COL23A1: variants seen among roughly 807,000 people sequenced by gnomAD.
The protein encoded by COL23A1 is collagen type XXIII alpha 1 chain.
Under a neutral mutation model 99.3 loss-of-function variants are expected in COL23A1, and 97 were observed. The observed-to-expected ratio is 0.98, with a 90% CI of 0.83 to 1.16. The LOEUF (loss-of-function observed/expected upper bound fraction) is 1.16, where lower values mean the gene tolerates loss of function less well. COL23A1 is among the 50% of genes most tolerant of loss of function. The probability of loss-of-function intolerance (pLI) is 0.00; values close to 1 mark genes in which losing one functional copy is unlikely to be tolerated. For synonymous variants in COL23A1, 320 were observed against 308.2 expected (o/e 1.04, Z -0.40); for missense variants, 762 against 757.4 (o/e 1.01, Z -0.07).
At chr5:178,546,198 T>A (rs186896524) in intron 2 of COL23A1, among the ~76,000 whole-genome samples, 1 of 152,056 alleles carries the variant, frequency 6.6e-6, no homozygotes, top group Non-Finnish European at 1.5e-5. Flanking sequence ...ACATGAAATA[T>A]GGGGTGGCGG....
chr5:178,494,759 G>A lies in COL23A1; in HGVS notation c.361+65923C>T, dbSNP rs137856382. Among the ~76,000 whole-genome samples the A allele has an allele frequency of 2.0e-3, 305 of 152,244 alleles. 2 individuals are homozygous for A. Among genetic ancestry groups the A allele is most frequent in the African/African-American group, 6.9e-3 (287 of 41,540 alleles). The stretch of plus-strand genomic sequence containing the variant: ...GGTACATCCCTAACACCTTCAAACA[G>A]CCCCTTTCCACCTCATCCAGTATTT... On this transcript the variant is annotated intron_variant, in intron 2 of 28. Coordinates refer to ENST00000390654, the MANE Select transcript of COL23A1 (RefSeq NM_173465.4).
intron 2 of COL23A1, among the ~76,000 whole-genome samples, chr5:178,431,042 AG>A (rs1406509171): frequency 1.3e-5 from 2 of 152,140 alleles, no homozygotes; most frequent in Admixed American, 1.3e-4. Flanking sequence ...TTCTCCAGGC[AG>A]GGGAGGGAGA....
At chr5:178,327,347 G>A (rs1254225875) in intron 2 of COL23A1, among the ~76,000 whole-genome samples, 4 of 152,194 alleles carry the variant, frequency 2.6e-5, no homozygotes, top group African/African-American at 4.8e-5. Flanking sequence ...GGAAACGGGC[G>A]CTGATGCCTG....
Position 178,375,017 on chromosome 5 carries a change from A to G in COL23A1, c.362-68098T>C, listed in dbSNP as rs536047427. ...GTATAACAGCCAAAAGGTGGCGACA[A>G]CCGAAATCACCGTCAGCTGATGAAC... On this transcript the variant is annotated intron_variant, in intron 2 of 28. Transcript: ENST00000390654. Among the ~76,000 whole-genome samples the G allele has an allele frequency of 2.0e-5, 3 of 152,360 alleles. No homozygotes were observed. The East Asian group carries it at 5.8e-4, about 29-fold the overall frequency.
chr5:178,342,558 G>T (rs1412792378), intron 2 of COL23A1, among the ~76,000 whole-genome samples: 1 of 152,150 alleles, frequency 6.6e-6, no homozygotes, highest in Non-Finnish European at 1.5e-5. Flanking sequence ...CCATTTCCCA[G>T]GTCCCACCGG....
chr5:178,589,968 C>T lies in COL23A1; in HGVS notation c.230G>A (p.Arg77His). The T allele has an allele frequency of 7.5e-7, 1 of 1,329,222 alleles. No homozygotes were observed. The highest frequency in any genetic ancestry group is 9.6e-7 in the Non-Finnish European group (1 of 1,046,836). 82.3% of individuals were successfully genotyped at this position (1,329,222 alleles called of 1,614,324 possible). ...ALEEERELLR[R>H]AGPPGALDAW... ...GTCCAGGGCGCCTGGCGGCCCCGCG[C>T]GCCGCAGCAGCTCCCGCTCCTCCTC... The change falls in exon 1 of 29, where the codon CGC (arginine) becomes CAC (histidine). Residue 77 changes from arginine to histidine, a missense_variant. Arg to His is a conservative substitution (Grantham distance 29). Coordinates refer to ENST00000390654, the MANE Select transcript of COL23A1 (RefSeq NM_173465.4). The surrounding 1 kb of genome is among the most constrained non-coding windows in gnomAD (Gnocchi z 5.4).
intron 1 of COL23A1, among the ~76,000 whole-genome samples, chr5:178,577,955 G>A (rs987007325): frequency 6.6e-6 from 1 of 152,004 alleles, no homozygotes; most frequent in African/African-American, 2.4e-5. Context: ...GAGGCGATAA[G>A]GTCAGGCTGG....
intron 2 of COL23A1, among the ~76,000 whole-genome samples, chr5:178,554,963 A>T (rs1762190232): frequency 6.6e-6 from 1 of 152,206 alleles, no homozygotes; most frequent in Admixed American, 6.5e-5. Flanking sequence ...CCAAACAGAA[A>T]CGAGGTGCCC....
intron 1 of COL23A1, among the ~76,000 whole-genome samples, chr5:178,576,240 A>G (rs1050410247): frequency 2.0e-5 from 3 of 151,928 alleles, no homozygotes; most frequent in African/African-American, 7.3e-5. Context: ...GTTGCCATTC[A>G]TTATCCTTTT....
chr5:178,294,934 G>A (rs867020849), intron 3 of COL23A1, among the ~76,000 whole-genome samples: 3 of 152,340 alleles, frequency 2.0e-5, no homozygotes, highest in African/African-American at 7.2e-5. Context: ...TTGAGGTCAG[G>A]AGTTTGAGAT....
intron 2 of COL23A1, among the ~76,000 whole-genome samples, chr5:178,547,826 T>C (rs1442662580): frequency 2.5e-3 from 7 of 2,780 alleles, no homozygotes; most frequent in Admixed American, 8.6e-3. Context: ...CCCACCCACC[T>C]ACACACCCCC....
At chr5:178,327,601 G>A (rs889319070) in intron 2 of COL23A1, among the ~76,000 whole-genome samples, 2 of 152,164 alleles carry the variant, frequency 1.3e-5, no homozygotes, top group Non-Finnish European at 2.9e-5. Context: ...TCCACTCTGC[G>A]GTGGAGGAGA....
intron 2 of COL23A1, among the ~76,000 whole-genome samples, chr5:178,372,010 A>G (rs1762826006): frequency 6.6e-6 from 1 of 152,256 alleles, no homozygotes; most frequent in Admixed American, 6.5e-5. Flanking sequence ...GAGGCTGCAC[A>G]GTGACAGCCG....
At position 178,514,498 on chromosome 5, in the gene COL23A1, G is replaced by GTGGC. The variant is rs368395268; in HGVS notation, c.361+46180_361+46183dup. On this transcript the variant is annotated intron_variant, in intron 2 of 28. Transcript: ENST00000390654. Reference sequence around the variant, plus strand: ...AGGATCCTCCATACTGTCTTCCATAGTGGCTGCTCCATTTTGTATGTGGAA... The same window carrying GTGGC: ...AGGATCCTCCATACTGTCTTCCATAGTGGCTGGCTGCTCCATTTTGTATGTGGAA... Among the ~76,000 whole-genome samples the GTGGC allele has an allele frequency of 7.2e-5, 11 of 152,306 alleles. No homozygotes were observed. The East Asian group carries it at 1.9e-3, about 27-fold the overall frequency.
chr5:178,501,142 T>C (rs1161041835), intron 2 of COL23A1, among the ~76,000 whole-genome samples: 2 of 152,198 alleles, frequency 1.3e-5, no homozygotes, highest in East Asian at 3.8e-4. Flanking sequence ...ACTCTTACCA[T>C]GAAGAGAAGA....
chr5:178,518,484 C>A (rs1304246447), intron 2 of COL23A1, among the ~76,000 whole-genome samples: 1 of 146,898 alleles, frequency 6.8e-6, no homozygotes, highest in Non-Finnish European at 1.5e-5. Context: ...CGGGCAGAGG[C>A]GCCCCTCACC....
intron 2 of COL23A1, among the ~76,000 whole-genome samples, chr5:178,441,581 G>A (rs1766868422): frequency 6.6e-6 from 1 of 151,988 alleles, no homozygotes; most frequent in South Asian, 2.1e-4. Flanking sequence ...GGGGATGCGG[G>A]GCTAGAGTTT....
intron 2 of COL23A1, among the ~76,000 whole-genome samples, chr5:178,510,160 AC>A (rs1759121193): frequency 6.6e-6 from 1 of 152,238 alleles, no homozygotes; most frequent in Non-Finnish European, 1.5e-5. Flanking sequence ...TTAAAAGAAA[AC>A]ATTTTTCTTC....
Position 178,298,278 on chromosome 5 carries a change from C to T in COL23A1, c.407-7909G>A, listed in dbSNP as rs146610198. Among the ~76,000 whole-genome samples the T allele has an allele frequency of 5.5e-3, 831 of 152,256 alleles. 9 individuals carry two copies. Among genetic ancestry groups the T allele is most frequent in the African/African-American group, 0.018 (747 of 41,540 alleles). ...CTGGGAACCTTGCCCATTCACACCTCGGGGTTAGGAGCAGGTGGGCAAGCT... is the reference window on the plus strand; with the variant it reads ...CTGGGAACCTTGCCCATTCACACCTTGGGGTTAGGAGCAGGTGGGCAAGCT... On this transcript the variant is annotated intron_variant, in intron 3 of 28. Coordinates refer to ENST00000390654, the MANE Select transcript of COL23A1 (RefSeq NM_173465.4).
Sources: allele counts gnomAD v4.1 joint callset (sites outside exome capture counted in the v4.1 genomes callset), GRCh38; gene constraint gnomAD v4.1.1; non-coding constraint Gnocchi (gnomAD v3.1); transcripts MANE v1.5; gene names NCBI Gene and HGNC (gene_info 2026-07-23, HGNC 2026-07-21).